Variants in SLC18A2 observed in about 807,000 individuals in gnomAD.
The protein encoded by SLC18A2 is solute carrier family 18 member A2.
A neutral mutation model predicts 59.2 loss-of-function variants in SLC18A2; 33 were observed. The ratio of observed to expected loss-of-function variants is 0.56; its 90% confidence interval spans 0.42 to 0.75. The LOEUF (loss-of-function observed/expected upper bound fraction) is 0.75. SLC18A2 is among the 30% of genes least tolerant of loss of function. The probability of loss-of-function intolerance (pLI) is 0.00; values close to 1 mark genes in which losing one functional copy is unlikely to be tolerated. For synonymous variants in SLC18A2, 228 were observed against 253.5 expected, an observed-to-expected ratio of 0.90 and a Z score of 0.95; for missense variants, 569 against 668.6, an observed-to-expected ratio of 0.85 and a Z score of 1.64.
intron 9 of SLC18A2, among the ~76,000 whole-genome samples, chr10:117,256,040 C>T (rs1287028114): frequency 6.6e-6 from 1 of 152,114 alleles, no homozygotes; most frequent in South Asian, 2.1e-4. Flanking sequence ...AGGCAAGGGT[C>T]CCCGGTGGGC....
Position 117,241,934 on chromosome 10 carries a change from CGCTTTGCAA to C in SLC18A2, c.121+121_121+129del, listed in dbSNP as rs1844060504. ...CAAGGCCCGGGAAAGTTGGAGAACT[CGCTTTGCAA>C]AAAAGACATCCCCTCCAGGCTGCCG... is the stretch of plus-strand genomic sequence containing the variant. On this transcript the variant is annotated intron_variant, in intron 2 of 15. Coordinates refer to ENST00000644641, the MANE Select transcript of SLC18A2 (RefSeq NM_003054.6). 6 of 1,065,480 alleles carry C rather than the reference CGCTTTGCAA, an allele frequency of 5.6e-6. No homozygotes were observed. The Admixed American group carries it at 9.8e-5, about 17-fold the overall frequency. The allele number at this position is 1,065,480 out of a possible 1,614,324, so 66.0% of individuals were successfully genotyped here.
At chr10:117,252,134 A>ATTT (rs57101171) in intron 3 of SLC18A2, among the ~76,000 whole-genome samples, 8 of 44,346 alleles carry the variant, frequency 1.8e-4, no homozygotes, top group South Asian at 1.3e-3. Flanking sequence ...CATTTTTTGT[A>ATTT]TTTTTTTTTT....
At chr10:117,268,984 A>G (rs978089944) in intron 13 of SLC18A2, among the ~76,000 whole-genome samples, 1 of 51,714 alleles carries the variant, frequency 1.9e-5, no homozygotes, top group African/African-American at 4.7e-5. Context: ...AAACACACAC[A>G]TTCATACACA....
chr10:117,241,727 C>T lies in SLC18A2; in HGVS notation c.34C>T (p.Leu12=), dbSNP rs963682809. The T allele has an allele frequency of 1.5e-5, 24 of 1,606,700 alleles. 1 individual carries two copies. The African/African-American group carries it at 3.1e-4, about 21-fold the overall frequency. Reference sequence around the variant, plus strand: ...GAGCGAGCTGGCGCTGGTCCGCTGGCTGCAGGAGAGCCGCCGCTCGCGGAA... The same window carrying T: ...GAGCGAGCTGGCGCTGGTCCGCTGGTTGCAGGAGAGCCGCCGCTCGCGGAA... The part of the protein sequence containing the change: ...ALSELALVRW[L]QESRRSRKLI... Residue 12 remains leucine (L), a synonymous_variant, in exon 2 of 16, where the codon CTG becomes TTG. Transcript: ENST00000644641.
intron 13 of SLC18A2, 53 bp from the exon 14 acceptor site, chr10:117,270,018 C>T: frequency 6.2e-7 from 1 of 1,602,870 alleles, no homozygotes; most frequent in Non-Finnish European, 8.5e-7. Context: ...ATATTCGGCC[C>T]ATTTTGGGTT....
Position 117,269,120 on chromosome 10 carries a change from CACAT to C in SLC18A2, c.1187-947_1187-944del. ...ATGCATACATACATACACGTAGATA[CACAT>C]ACACATACAAACACCCACCCACATA... On this transcript the variant is annotated intron_variant, in intron 13 of 15. Transcript: ENST00000644641. The surrounding 1 kb of genome is among the most constrained non-coding windows in gnomAD (Gnocchi z 5.1). Among the ~76,000 whole-genome samples the C allele has an allele frequency of 6.6e-6, 1 of 151,186 alleles. No individual in the cohort carries two copies. The highest frequency in any genetic ancestry group is 1.9e-4 in the East Asian group (1 of 5,160).
chr10:117,246,815 G>T (rs962667268), intron 3 of SLC18A2, among the ~76,000 whole-genome samples: 2 of 152,036 alleles, frequency 1.3e-5, no homozygotes, highest in Non-Finnish European at 2.9e-5. Context: ...ACTATGCCTG[G>T]CTATTTTTTG....
At chr10:117,244,584 C>T (rs363333) in intron 3 of SLC18A2, among the ~76,000 whole-genome samples, 115,341 of 152,226 alleles carry the variant, frequency 0.76, 47,929 homozygotes, top group Non-Finnish European at 0.93. Flanking sequence ...GGACTTTGGC[C>T]TGTCTAAATG....
intron 12 of SLC18A2, chr10:117,267,426 G>A (rs1844360866): frequency 6.6e-6 from 3 of 454,966 alleles, no homozygotes; most frequent in Non-Finnish European, 1.2e-5. Flanking sequence ...CTTGAGGGTG[G>A]ACTAGGCTGA....
At chr10:117,256,029 A>G (rs1264336164) in intron 9 of SLC18A2, among the ~76,000 whole-genome samples, 1 of 152,090 alleles carries the variant, frequency 6.6e-6, no homozygotes, top group Non-Finnish European at 1.5e-5. Flanking sequence ...CCTTGGCCTC[A>G]AGGCAAGGGT....
intron 10 of SLC18A2, among the ~76,000 whole-genome samples, chr10:117,264,806 C>T (rs1227682102): frequency 6.6e-6 from 1 of 152,080 alleles, no homozygotes; most frequent in Admixed American, 6.6e-5. Flanking sequence ...ACTAACAGTC[C>T]CTAGAGCTGG....
intron 15 of SLC18A2, among the ~76,000 whole-genome samples, chr10:117,273,372 C>T (rs1255793777): frequency 6.6e-6 from 1 of 152,098 alleles, no homozygotes; most frequent in African/African-American, 2.4e-5. Context: ...AGCTGTGTTG[C>T]GGATTTTTTT....
intron 10 of SLC18A2, among the ~76,000 whole-genome samples, chr10:117,266,253 A>T (rs1844347881): frequency 6.6e-6 from 1 of 152,180 alleles, no homozygotes; most frequent in Admixed American, 6.5e-5. Flanking sequence ...ATATTTATAT[A>T]TGTAAATAAA....
Position 117,279,154 on chromosome 10 carries a change from T to C in SLC18A2, c.*1888T>C, listed in dbSNP as rs1216051065. 6.6e-6 allele frequency: 1 copy of C among 152,222 alleles called. No individual in the cohort carries two copies. Among genetic ancestry groups the C allele is most frequent in the Non-Finnish European group, 1.5e-5 (1 of 68,036 alleles). 9.4% of individuals were successfully genotyped at this position (152,222 alleles called of 1,614,324 possible). ...GAACTGTTTTGGAGCAAAAGATAGC[T>C]TGTACTTGGGGAAAAAAATTCTAAG... On this transcript the variant is annotated 3_prime_UTR_variant, in exon 16 of 16. Transcript: ENST00000644641.
In SLC18A2 at chr10:117,243,963, AT is replaced by A. The variant is rs764138446; in HGVS notation, c.122-7del. On this transcript the variant is annotated splice_polypyrimidine_tract_variant and splice_region_variant and intron_variant, in intron 2 of 15. Coordinates refer to ENST00000644641, the MANE Select transcript of SLC18A2 (RefSeq NM_003054.6). Reference sequence around the variant, plus strand: ...ATCACCACCTTGCCATTCTGCTCTTATCCCCAGTCCCCATCATCCCAAGTTA... The same window carrying A: ...ATCACCACCTTGCCATTCTGCTCTTACCCCAGTCCCCATCATCCCAAGTTA... The A allele has an allele frequency of 2.5e-6, 4 of 1,607,458 alleles. No individual in the cohort carries two copies. In the South Asian group the frequency reaches 4.4e-5, roughly 18 times the overall value.
At chr10:117,251,466 G>A (rs1167321446) in intron 3 of SLC18A2, among the ~76,000 whole-genome samples, 1 of 152,164 alleles carries the variant, frequency 6.6e-6, no homozygotes, top group Non-Finnish European at 1.5e-5. Context: ...CTGCAGGTCA[G>A]AATCCTGGCA....
chr10:117,253,557 G>GGGT (rs1844187906), intron 4 of SLC18A2, 100 bp downstream of exon 4: 1 of 343,506 alleles, frequency 2.9e-6, no homozygotes, highest in African/African-American at 2.4e-5. Context: ...GACGGCGGGG[G>GGGT]GGCGGGGGGG....
At chr10:117,264,615 C>G (rs937137340) in intron 10 of SLC18A2, among the ~76,000 whole-genome samples, 1 of 152,212 alleles carries the variant, frequency 6.6e-6, no homozygotes, top group Non-Finnish European at 1.5e-5. Context: ...CCACAGATCT[C>G]TCTTTGCTCC....
intron 3 of SLC18A2, among the ~76,000 whole-genome samples, chr10:117,245,846 C>G (rs1184858068): frequency 6.6e-5 from 10 of 152,160 alleles, no homozygotes; most frequent in Admixed American, 6.5e-4. Flanking sequence ...TTCTCAACAT[C>G]TGCAGTTGAA....
Sources: allele counts gnomAD v4.1 joint callset (sites outside exome capture counted in the v4.1 genomes callset), GRCh38; gene constraint gnomAD v4.1.1; non-coding constraint Gnocchi (gnomAD v3.1); transcripts MANE v1.5; gene names NCBI Gene and HGNC (gene_info 2026-07-23, HGNC 2026-07-21).